The following NXPH2 variants were observed in gnomAD, a reference collection of about 807,000 sequenced individuals.
NXPH2 encodes the protein neurexophilin 2, also known as neurexophilin-2.
In NXPH2, 5 loss-of-function variants were observed where a neutral mutation model predicts 19.8. The observed-to-expected ratio is 0.25, with a 90% CI of 0.13 to 0.53. The LOEUF (loss-of-function observed/expected upper bound fraction) is 0.53, where lower values mean the gene tolerates loss of function less well. Ranked by LOEUF, NXPH2 falls within the 20% of genes least tolerant of loss-of-function variation. The probability of loss-of-function intolerance (pLI) is 0.96; values close to 1 mark genes in which losing one functional copy is unlikely to be tolerated. For synonymous variants in NXPH2, 154 were observed against 127.4 expected, an observed-to-expected ratio of 1.21 and a Z score of -1.41; for missense variants, 289 against 322.8, an observed-to-expected ratio of 0.90 and a Z score of 0.80.
chr2:138,690,808 G>C (rs573861786), intron 1 of NXPH2, among the ~76,000 whole-genome samples: 5 of 152,344 alleles, frequency 3.3e-5, no homozygotes, highest in South Asian at 2.1e-4. Context: ...GTAGTGTCTA[G>C]AGGAGACCAA....
At chr2:138,686,923 G>A (rs2104973075) in intron 1 of NXPH2, among the ~76,000 whole-genome samples, 1 of 152,198 alleles carries the variant, frequency 6.6e-6, no homozygotes, top group South Asian at 2.1e-4. Context: ...TGGTGTATAT[G>A]TGCCACATTT....
intron 1 of NXPH2, among the ~76,000 whole-genome samples, chr2:138,693,835 A>T (rs1680785897): frequency 6.6e-6 from 1 of 152,158 alleles, no homozygotes; most frequent in Non-Finnish European, 1.5e-5. Flanking sequence ...TTATGGGTTG[A>T]ATTATGTTCT....
At chr2:138,678,782 A>G (rs1680525630) in intron 1 of NXPH2, among the ~76,000 whole-genome samples, 1 of 152,238 alleles carries the variant, frequency 6.6e-6, no homozygotes, top group South Asian at 2.1e-4. Context: ...TGCTGACTAC[A>G]TTAGAATCAA....
chr2:138,733,336 C>T (rs1681481442), intron 1 of NXPH2, among the ~76,000 whole-genome samples: 1 of 152,184 alleles, frequency 6.6e-6, no homozygotes, highest in Non-Finnish European at 1.5e-5. Context: ...CGAAGTTACA[C>T]ATATTGAGAA....
intron 1 of NXPH2, among the ~76,000 whole-genome samples, chr2:138,679,830 A>G (rs1680545735): frequency 6.6e-6 from 1 of 152,156 alleles, no homozygotes; most frequent in African/African-American, 2.4e-5. Flanking sequence ...TTATTTTTGC[A>G]GGATTAAGTT....
At position 138,690,971 on chromosome 2, in the gene NXPH2, C is replaced by G. The variant is rs371863752; in HGVS notation, c.52-19306G>C. Among the ~76,000 whole-genome samples, 17 of 152,340 alleles carry G rather than the reference C, an allele frequency of 1.1e-4. No individual in the cohort carries two copies. In the East Asian group the frequency reaches 2.9e-3, roughly 26 times the overall value. ...ATCTTGAGAAGGTGACATTTAAACT[C>G]ACACAGGGATAGTTAGCCAGAGCTC... On this transcript the variant is annotated intron_variant, in intron 1 of 1. Transcript: ENST00000272641.
intron 1 of NXPH2, among the ~76,000 whole-genome samples, chr2:138,726,519 AACACACACACACACACAC>A (rs57428467): frequency 3.4e-5 from 5 of 146,462 alleles, no homozygotes; most frequent in African/African-American, 7.6e-5. Flanking sequence ...TAAAAAAAGA[AACACACACACACACACAC>A]ACACACACAC....
intron 1 of NXPH2, among the ~76,000 whole-genome samples, chr2:138,722,169 T>A (rs1378720175): frequency 1.3e-5 from 2 of 152,168 alleles, no homozygotes; most frequent in South Asian, 2.1e-4. Flanking sequence ...ATGCTACTGA[T>A]GGTAAAGAGC....
intron 1 of NXPH2, among the ~76,000 whole-genome samples, chr2:138,710,564 C>T (rs941035340): frequency 2.6e-5 from 4 of 152,082 alleles, no homozygotes; most frequent in Non-Finnish European, 5.9e-5. Flanking sequence ...TCTCTTAAAC[C>T]CAAGCAGAGT....
intron 1 of NXPH2, among the ~76,000 whole-genome samples, chr2:138,753,613 A>G (rs1383765949): frequency 6.6e-6 from 1 of 152,110 alleles, no homozygotes; most frequent in African/African-American, 2.4e-5. Flanking sequence ...TATATCTATA[A>G]ATATTTTTAT....
intron 1 of NXPH2, among the ~76,000 whole-genome samples, chr2:138,740,906 C>A (rs1343689946): frequency 6.6e-6 from 1 of 151,440 alleles, no homozygotes; most frequent in Non-Finnish European, 1.5e-5. Flanking sequence ...TTCTTCCTGC[C>A]CTTTTGAACA....
At chr2:138,672,471 T>G (rs1680429764) in intron 1 of NXPH2, among the ~76,000 whole-genome samples, 1 of 152,218 alleles carries the variant, frequency 6.6e-6, no homozygotes, top group Non-Finnish European at 1.5e-5. Context: ...TTGCATTTGA[T>G]TTTTCTTTTT....
At chr2:138,692,909 A>T (rs568602626) in intron 1 of NXPH2, among the ~76,000 whole-genome samples, 1 of 152,224 alleles carries the variant, frequency 6.6e-6, no homozygotes, top group Non-Finnish European at 1.5e-5. Flanking sequence ...CAGAATCTCA[A>T]GAAAGCCTTT....
intron 1 of NXPH2, among the ~76,000 whole-genome samples, chr2:138,685,448 T>A (rs1680633205): frequency 6.6e-6 from 1 of 152,242 alleles, no homozygotes; most frequent in Non-Finnish European, 1.5e-5. Flanking sequence ...CAGAACCTAG[T>A]TATAGATTCA....
At chr2:138,750,797 T>G (rs1459586386) in intron 1 of NXPH2, among the ~76,000 whole-genome samples, 1 of 152,184 alleles carries the variant, frequency 6.6e-6, no homozygotes, top group Non-Finnish European at 1.5e-5. Flanking sequence ...ATCTAAATAG[T>G]ACAGGCTTGA....
intron 1 of NXPH2, among the ~76,000 whole-genome samples, chr2:138,697,389 G>A (rs1680844567): frequency 1.3e-5 from 2 of 151,932 alleles, no homozygotes; most frequent in Non-Finnish European, 2.9e-5. Flanking sequence ...CAGAATTTAT[G>A]TACTAGTCTG....
chr2:138,751,759 C>T (rs1442136511), intron 1 of NXPH2, among the ~76,000 whole-genome samples: 4 of 151,896 alleles, frequency 2.6e-5, no homozygotes, highest in East Asian at 1.9e-4. Flanking sequence ...TTATTTATTC[C>T]CTCATAATTC....
chr2:138,676,042 T>G (rs1680480074), intron 1 of NXPH2, among the ~76,000 whole-genome samples: 1 of 151,996 alleles, frequency 6.6e-6, no homozygotes, highest in African/African-American at 2.4e-5. Flanking sequence ...CACATCATAT[T>G]TCTAGCTTGT....
chr2:138,713,206 G>C (rs555469218), intron 1 of NXPH2, among the ~76,000 whole-genome samples: 1 of 152,306 alleles, frequency 6.6e-6, no homozygotes, highest in East Asian at 1.9e-4. Context: ...CTGCGACTGG[G>C]CTCCTGCCAG....
Sources: gnomAD v4.1 joint callset for allele counts (sites outside exome capture counted in the v4.1 genomes callset) on GRCh38, gnomAD v4.1.1 for gene constraint, MANE v1.5 for transcripts, NCBI Gene and HGNC (gene_info 2026-07-23, HGNC 2026-07-21) for gene names.